The following AHI1 variants were observed in gnomAD, a reference collection of about 807,000 sequenced individuals.
AHI1 encodes jouberin.
A neutral mutation model predicts 149.3 loss-of-function variants in AHI1; 123 were observed. The ratio of observed to expected loss-of-function variants is 0.82; its 90% CI spans 0.71 to 0.96. The LOEUF (loss-of-function observed/expected upper bound fraction) is 0.96. Among genes scored for constraint, AHI1 ranks in the 40% least tolerant of loss-of-function variants. AHI1 has a pLI of 0.00. For synonymous variants in AHI1, 475 were observed against 459.8 expected (o/e 1.03, Z -0.42); for missense variants, 1,439 against 1,422.7 (o/e 1.01, Z -0.18).
chr6:135,420,667 TAAGA>T (rs1783021631), intron 20 of AHI1, among the ~76,000 whole-genome samples: 1 of 152,172 alleles, frequency 6.6e-6, no homozygotes, highest in South Asian at 2.1e-4. Flanking sequence ...TCACAGACTT[TAAGA>T]GAGTTAGAGG....
At chr6:135,486,094 A>C (rs1794430196) in intron 5 of AHI1, among the ~76,000 whole-genome samples, 1 of 152,228 alleles carries the variant, frequency 6.6e-6, no homozygotes, top group South Asian at 2.1e-4. Context: ...AATATGGACA[A>C]ATACCTATTG....
chr6:135,366,535 A>C (rs1468457531), intron 23 of AHI1, among the ~76,000 whole-genome samples: 1 of 152,138 alleles, frequency 6.6e-6, no homozygotes, highest in Non-Finnish European at 1.5e-5. Flanking sequence ...ATTTCCAGCA[A>C]TTTATCTATC....
At chr6:135,297,306 C>T in intron 27 of AHI1, 1 of 381,348 alleles carries the variant, frequency 2.6e-6, no homozygotes, top group Admixed American at 3.3e-5. Context: ...AACTCCAAGA[C>T]ACTAATCAGT....
chr6:135,284,595 A>T lies in AHI1; in HGVS notation c.*1050T>A, dbSNP rs1781505782. ...ATTCTGGAACTTAGAAAAAATAAAT[A>T]ATGCAATATAATAATGTAAAAATAT... is the stretch of plus-strand genomic sequence containing the variant. On this transcript the variant is annotated 3_prime_UTR_variant, in exon 29 of 29. Transcript: ENST00000265602. The T allele has an allele frequency of 6.6e-6, 1 of 150,404 alleles. No homozygotes were observed. The highest frequency in any genetic ancestry group is 6.6e-5 in the Admixed American group (1 of 15,192). 9.3% of individuals were successfully genotyped at this position (150,404 alleles called of 1,614,324 possible).
intron 23 of AHI1, among the ~76,000 whole-genome samples, chr6:135,362,866 A>T (rs1794130160): frequency 6.6e-6 from 1 of 151,234 alleles, no homozygotes; most frequent in Non-Finnish European, 1.5e-5. Flanking sequence ...TTTTAGTTTA[A>T]GTTCCATCTA....
intron 28 of AHI1, among the ~76,000 whole-genome samples, chr6:135,286,053 T>C (rs981623299): frequency 6.6e-6 from 1 of 152,240 alleles, no homozygotes; most frequent in Admixed American, 6.5e-5. Flanking sequence ...GGGTTAGTGA[T>C]TCGGAAGGAT....
At chr6:135,409,069 C>T (rs1270240819) in intron 21 of AHI1, among the ~76,000 whole-genome samples, 1 of 152,072 alleles carries the variant, frequency 6.6e-6, no homozygotes, top group Non-Finnish European at 1.5e-5. Context: ...ACATTTCTAT[C>T]TCCTCCTTTT....
intron 24 of AHI1, among the ~76,000 whole-genome samples, chr6:135,350,311 T>G (rs1283774292): frequency 6.6e-6 from 1 of 152,162 alleles, no homozygotes; most frequent in Non-Finnish European, 1.5e-5. Flanking sequence ...ATACTTGCAT[T>G]GGTTTCCGAG....
chr6:135,328,161 AC>A (rs1458227965), intron 24 of AHI1, among the ~76,000 whole-genome samples: 1 of 152,188 alleles, frequency 6.6e-6, no homozygotes, highest in Non-Finnish European at 1.5e-5. Context: ...AGTAGAGGGT[AC>A]TAGAATTGAA....
chr6:135,421,665 T>TA (rs901957668), intron 20 of AHI1, among the ~76,000 whole-genome samples: 15 of 151,770 alleles, frequency 9.9e-5, no homozygotes, highest in African/African-American at 3.1e-4. Context: ...CTGTAAACAT[T>TA]AAAAAAAATG....
chr6:135,314,713 T>C (rs951884050), intron 26 of AHI1, among the ~76,000 whole-genome samples: 1 of 152,208 alleles, frequency 6.6e-6, no homozygotes, highest in Non-Finnish European at 1.5e-5. Context: ...ACATAGTTCA[T>C]GGTTCTCTCA....
intron 26 of AHI1, among the ~76,000 whole-genome samples, chr6:135,311,429 T>C (rs2128366374): frequency 6.6e-6 from 1 of 152,158 alleles, no homozygotes; most frequent in South Asian, 2.1e-4. Flanking sequence ...TGCAAGAACA[T>C]TTTTGTAAGC....
chr6:135,426,269 T>C (rs1290532909), intron 20 of AHI1, among the ~76,000 whole-genome samples: 4 of 151,740 alleles, frequency 2.6e-5, no homozygotes, highest in African/African-American at 4.8e-5. Context: ...TGAGTATGCA[T>C]TGCAGAAATG....
intron 23 of AHI1, among the ~76,000 whole-genome samples, chr6:135,380,217 G>C (rs2128466663): frequency 6.6e-6 from 1 of 151,854 alleles, no homozygotes; most frequent in South Asian, 2.1e-4. Context: ...GCATCCATGG[G>C]TTCTGCATCC....
At chr6:135,476,534 T>C (rs1792676124) in intron 5 of AHI1, among the ~76,000 whole-genome samples, 1 of 152,136 alleles carries the variant, frequency 6.6e-6, no homozygotes, top group Non-Finnish European at 1.5e-5. Context: ...TTCTTATTGA[T>C]TTTTTGACTA....
At chr6:135,294,275 G>A (rs143602639) in intron 27 of AHI1, among the ~76,000 whole-genome samples, 16 of 152,044 alleles carry the variant, frequency 1.1e-4, no homozygotes, top group Admixed American at 7.2e-4. Context: ...GTAGTGAGCC[G>A]AGATCATGCC....
intron 20 of AHI1, among the ~76,000 whole-genome samples, chr6:135,422,356 A>G (rs1010387900): frequency 2.0e-5 from 3 of 152,008 alleles, no homozygotes; most frequent in Non-Finnish European, 4.4e-5. Flanking sequence ...TACAAAAAAT[A>G]CACACACGAA....
chr6:135,304,776 A>C (rs1784346295), intron 26 of AHI1, among the ~76,000 whole-genome samples: 2 of 152,236 alleles, frequency 1.3e-5, no homozygotes, highest in Admixed American at 6.5e-5. Flanking sequence ...ATCTCCAAAA[A>C]GTGAAGACCA....
chr6:135,331,571 C>T (rs191888857), intron 24 of AHI1, among the ~76,000 whole-genome samples: 17 of 152,122 alleles, frequency 1.1e-4, no homozygotes, highest in African/African-American at 3.4e-4. Context: ...TTCTCAGTGA[C>T]GCCTGGTCAA....
Sources: allele counts gnomAD v4.1 joint callset (sites outside exome capture counted in the v4.1 genomes callset), GRCh38; gene constraint gnomAD v4.1.1; transcripts MANE v1.5; gene names NCBI Gene and HGNC (gene_info 2026-07-23, HGNC 2026-07-21).